Variants in ADCY10 observed in about 807,000 individuals in gnomAD.
The protein encoded by ADCY10 is adenylate cyclase 10.
In ADCY10, 156 loss-of-function variants were observed where a neutral mutation model predicts 183.3. The observed-to-expected ratio is 0.85, with a 90% CI of 0.75 to 0.97. ADCY10 has a LOEUF of 0.97. ADCY10 is among the 50% of genes least tolerant of loss of function. The pLI, the probability that ADCY10 is intolerant of heterozygous loss-of-function variation, is 0.00. For synonymous variants in ADCY10, 645 were observed against 670.0 expected, an observed-to-expected ratio of 0.96 and a Z score of 0.58; for missense variants, 1,745 against 1,934.3, an observed-to-expected ratio of 0.90 and a Z score of 1.84.
chr1:167,867,897 A>G (rs1666818727), intron 14 of ADCY10, among the ~76,000 whole-genome samples: 1 of 152,188 alleles, frequency 6.6e-6, no homozygotes, highest in Non-Finnish European at 1.5e-5. Flanking sequence ...AGGATGAAAA[A>G]GACCCTGTTT....
chr1:167,826,890 C>T (rs1391301566), intron 26 of ADCY10, among the ~76,000 whole-genome samples: 1 of 152,168 alleles, frequency 6.6e-6, no homozygotes, highest in Non-Finnish European at 1.5e-5. Flanking sequence ...GTTTGAGGAA[C>T]CAAAAGAGGA....
rs7545615 is a variant in ADCY10, at chr1:167,904,329, G to A, written c.149-338C>T. 0.1 allele frequency among the ~76,000 whole-genome samples: 15,593 copies of A among 151,918 alleles called. 985 individuals are homozygous for A. The highest frequency in any genetic ancestry group is 0.18 in the African/African-American group (7,359 of 41,408). On this transcript the variant is annotated intron_variant, in intron 2 of 32. Transcript: ENST00000367851. ...TCTCGAACTCCTGACCTTGTGATCC[G>A]CCCTCCTCGGCCTCCAAAAGTGTTG...
At chr1:167,889,545 T>C (rs1206319655) in intron 8 of ADCY10, among the ~76,000 whole-genome samples, 1 of 152,198 alleles carries the variant, frequency 6.6e-6, no homozygotes, top group Non-Finnish European at 1.5e-5. Context: ...CTTTTTTTGA[T>C]GTACTTTTGT....
At chr1:167,894,287 TGGTG>T (rs1351784589) in intron 7 of ADCY10, among the ~76,000 whole-genome samples, 2 of 152,042 alleles carry the variant, frequency 1.3e-5, no homozygotes, top group African/African-American at 4.8e-5. Flanking sequence ...GAGAGGAGCA[TGGTG>T]ACAGAATGAA....
chr1:167,876,190 G>C (rs570077517), intron 12 of ADCY10, among the ~76,000 whole-genome samples: 1 of 151,352 alleles, frequency 6.6e-6, no homozygotes, highest in East Asian at 1.9e-4. Flanking sequence ...CCAAGAGACA[G>C]AGGTTGCAGT....
intron 6 of ADCY10, among the ~76,000 whole-genome samples, chr1:167,896,976 T>C (rs1203623352): frequency 6.6e-6 from 1 of 152,102 alleles, no homozygotes; most frequent in African/African-American, 2.4e-5. Context: ...TTTTTCCTGC[T>C]TTTTTTCCTT....
intron 14 of ADCY10, among the ~76,000 whole-genome samples, chr1:167,865,301 C>A (rs1396681028): frequency 6.6e-6 from 1 of 152,122 alleles, no homozygotes; most frequent in Non-Finnish European, 1.5e-5. Context: ...AAAAAAAATT[C>A]TGTGTGTAAA....
At chr1:167,845,293 T>A (rs1664922571) in intron 21 of ADCY10, among the ~76,000 whole-genome samples, 1 of 152,230 alleles carries the variant, frequency 6.6e-6, no homozygotes, top group South Asian at 2.1e-4. Flanking sequence ...ATATTTTAGT[T>A]TGAGTTCTGG....
chr1:167,876,460 C>T, intron 12 of ADCY10, among the ~76,000 whole-genome samples: 1 of 152,094 alleles, frequency 6.6e-6, no homozygotes, highest in East Asian at 1.9e-4. Context: ...ATGGATTATG[C>T]CCTTCTCTGA....
chr1:167,868,027 C>T (rs1370404260), intron 14 of ADCY10, among the ~76,000 whole-genome samples: 6 of 151,984 alleles, frequency 3.9e-5, no homozygotes, highest in African/African-American at 1.2e-4. Flanking sequence ...TATCTCTGGG[C>T]GTCGATAAAA....
Position 167,824,556 on chromosome 1 carries a change from C to A in ADCY10, c.3972G>T (p.Gln1324His). 7.4e-6 allele frequency: 12 copies of A among 1,614,216 alleles called. No individual in the cohort carries two copies. The highest frequency in any genetic ancestry group is 1.0e-5 in the Non-Finnish European group (12 of 1,180,038). Residue 1324 changes from glutamine (Q) to histidine (H), a missense_variant, in exon 28 of 33, where the codon CAG (glutamine) becomes CAT (histidine). Transcript: ENST00000367851. Reference sequence around the variant, plus strand: ...TGGGATTCTGGAGCAGTGCCCACATCTGAAGGGCTCGGGAGCCTGGGAAGA... The same window carrying A: ...TGGGATTCTGGAGCAGTGCCCACATATGAAGGGCTCGGGAGCCTGGGAAGA... ...LAIELGSRAL[Q>H]MWALLQNPNR...
chr1:167,838,596 T>G (rs1664396688), intron 21 of ADCY10, among the ~76,000 whole-genome samples: 2 of 152,238 alleles, frequency 1.3e-5, no homozygotes, highest in Admixed American at 6.5e-5. Flanking sequence ...CTCAGTTTGG[T>G]CCTGGGCTCC....
At chr1:167,814,260 A>G (rs1309630924) in intron 31 of ADCY10, among the ~76,000 whole-genome samples, 1 of 152,098 alleles carries the variant, frequency 6.6e-6, no homozygotes, top group East Asian at 1.9e-4. Flanking sequence ...ATAAATGGAA[A>G]GTGAAGATAG....
intron 8 of ADCY10, among the ~76,000 whole-genome samples, chr1:167,891,115 C>T (rs544776568): frequency 6.6e-6 from 1 of 152,016 alleles, no homozygotes; most frequent in Non-Finnish European, 1.5e-5. Context: ...GTGTGTGCCA[C>T]CGCGCCTGGC....
chr1:167,821,289 A>ATGCTGCT (rs1662895773), intron 30 of ADCY10: 1 of 153,088 alleles, frequency 6.5e-6, no homozygotes, highest in Admixed American at 6.5e-5. Context: ...TGCGGGGAGA[A>ATGCTGCT]TGCTGCTTCC....
At position 167,824,394 on chromosome 1, in the gene ADCY10, G is replaced by A. The variant is rs569949241; in HGVS notation, c.4052+82C>T. On this transcript the variant is annotated intron_variant, in intron 28 of 32. Coordinates refer to ENST00000367851, the MANE Select transcript of ADCY10 (RefSeq NM_018417.6). Reference sequence around the variant, plus strand: ...AAACTCTACTCCCTTCCCCACCCTAGGACTAGGCTAAAGTTGAACCCAGAA... The same window carrying A: ...AAACTCTACTCCCTTCCCCACCCTAAGACTAGGCTAAAGTTGAACCCAGAA... The A allele has an allele frequency of 1.3e-5, 15 of 1,159,060 alleles. No homozygotes were observed. The East Asian group carries it at 2.1e-4, about 16-fold the overall frequency. 71.8% of individuals were successfully genotyped at this position (1,159,060 alleles called of 1,614,324 possible).
intron 18 of ADCY10, among the ~76,000 whole-genome samples, chr1:167,851,322 G>A (rs1665465293): frequency 6.6e-6 from 1 of 152,032 alleles, no homozygotes; most frequent in African/African-American, 2.4e-5. Context: ...AGGTAGCTGG[G>A]ACTACAGGCG....
At chr1:167,813,901 C>A (rs1470776582) in intron 31 of ADCY10, among the ~76,000 whole-genome samples, 3 of 152,052 alleles carry the variant, frequency 2.0e-5, no homozygotes, top group African/African-American at 7.2e-5. Flanking sequence ...GAGTGGAGTT[C>A]TTTGTGCATT....
intron 9 of ADCY10, among the ~76,000 whole-genome samples, 179 bp downstream of exon 9, chr1:167,883,258 G>C (rs950691638): frequency 3.9e-5 from 6 of 152,160 alleles, no homozygotes; most frequent in African/African-American, 1.2e-4. Context: ...GTCTGGTCTT[G>C]AACTCCTGAC....
Sources: gnomAD v4.1 joint callset for allele counts (sites outside exome capture counted in the v4.1 genomes callset) on GRCh38, gnomAD v4.1.1 for gene constraint, MANE v1.5 for transcripts, NCBI Gene and HGNC (gene_info 2026-07-23, HGNC 2026-07-21) for gene names.